ITGB3: variants seen among roughly 807,000 people sequenced by gnomAD.
ITGB3 encodes the protein integrin subunit beta 3.
Under a neutral mutation model 85.8 loss-of-function variants are expected in ITGB3, and 48 were observed. The observed-to-expected ratio is 0.56, with a 90% CI of 0.44 to 0.71. ITGB3 has a LOEUF of 0.71. Ranked by LOEUF, ITGB3 falls within the 30% of genes least tolerant of loss-of-function variation. The pLI is 0.00. For synonymous variants in ITGB3, 363 were observed against 395.6 expected (o/e 0.92, Z 0.98); for missense variants, 861 against 1,019.1 (o/e 0.84, Z 2.11).
chr17:47,299,437 G>A lies in ITGB3; in HGVS notation c.1820G>A (p.Cys607Tyr). 1.2e-6 allele frequency: 2 copies of A among 1,614,268 alleles called. No homozygotes were observed. Among genetic ancestry groups the A allele is most frequent in the African/African-American group, 1.3e-5 (1 of 75,068 alleles). ...NGLLCSGRGK[C>Y]ECGSCVCIQP... ...CTGCTGTGCAGCGGCCGCGGCAAGT[G>A]TGAATGTGGCAGCTGTGTCTGTATC... Residue 607 changes from cysteine to tyrosine, a missense_variant, in exon 11 of 15, where the codon TGT becomes TAT. Physicochemically the swap from Cys to Tyr is radical, Grantham distance 194. Coordinates refer to ENST00000559488, the MANE Select transcript of ITGB3 (RefSeq NM_000212.3). This position sits in a 1 kb window ranked among gnomAD's most constrained non-coding sequence, Gnocchi z 5.1.
At chr17:47,304,324 T>A (rs1369009783) in intron 13 of ITGB3, among the ~76,000 whole-genome samples, 1 of 152,218 alleles carries the variant, frequency 6.6e-6, no homozygotes, top group Admixed American at 6.5e-5. Flanking sequence ...ATGATTCTCT[T>A]TCTCTTCCCC....
intron 13 of ITGB3, 106 bp downstream of exon 13, chr17:47,302,946 C>G (rs1229198261): frequency 7.4e-7 from 1 of 1,342,774 alleles, no homozygotes; most frequent in Non-Finnish European, 1.0e-6. Context: ...ACAGGTTAAG[C>G]CTGCAAGTGA....
chr17:47,309,398 T>C (rs2065204105), intron 14 of ITGB3, among the ~76,000 whole-genome samples: 1 of 152,132 alleles, frequency 6.6e-6, no homozygotes, highest in Admixed American at 6.6e-5. Flanking sequence ...TTAATAATTA[T>C]TTGAGCAAAA....
At chr17:47,278,068 A>G (rs2065069960) in intron 2 of ITGB3, among the ~76,000 whole-genome samples, 1 of 152,194 alleles carries the variant, frequency 6.6e-6, no homozygotes. Flanking sequence ...ACCAACAACT[A>G]TAAACAAAAA....
chr17:47,300,614 G>A (rs1232090761), intron 12 of ITGB3, 36 bp downstream of exon 12: 1 of 1,480,278 alleles, frequency 6.8e-7, no homozygotes, highest in Non-Finnish European at 9.4e-7. Flanking sequence ...CACACACCCA[G>A]GTTCTAAATG....
chr17:47,277,774 A>G (rs2065069085), intron 2 of ITGB3, among the ~76,000 whole-genome samples: 1 of 152,226 alleles, frequency 6.6e-6, no homozygotes. Flanking sequence ...CCTGACAACC[A>G]AGGGTGACAG....
At position 47,300,488 on chromosome 17, in the gene ITGB3, G is replaced by T. The variant is rs121918451; in HGVS notation, c.1924G>T (p.Glu642Ter). The T allele has an allele frequency of 1.2e-6, 2 of 1,613,470 alleles. No homozygotes were observed. Among genetic ancestry groups the T allele is most frequent in the Non-Finnish European group, 1.7e-6 (2 of 1,179,422 alleles). The change falls in exon 12 of 15, where the codon GAG becomes TAG. Residue 642 changes from glutamate to a stop codon, truncating the protein, a stop_gained. Transcript: ENST00000559488. LOFTEE classifies it high-confidence loss of function. ...TCCTCTCTCCTTCAGAGAATGTGTG[G>T]AGTGTAAGAAGTTTGACCGGGGAGC... is the stretch of plus-strand genomic sequence containing the variant. ...DACTFKKECVECKKFDRGALH... is the reference protein window; with the variant it reads ...DACTFKKECV
At chr17:47,306,997 T>TA (rs1248765341) in intron 13 of ITGB3, among the ~76,000 whole-genome samples, 1 of 152,184 alleles carries the variant, frequency 6.6e-6, no homozygotes, top group Non-Finnish European at 1.5e-5. Flanking sequence ...TTTAATTTTT[T>TA]AAAAAACTTT....
At chr17:47,287,033 G>T in intron 5 of ITGB3, 37 bp from the exon 6 acceptor site, 1 of 1,606,136 alleles carries the variant, frequency 6.2e-7, no homozygotes, top group Non-Finnish European at 8.5e-7. Context: ...AATTTGTTTT[G>T]TCTCCTCTGC....
At chr17:47,274,321 C>A in intron 1 of ITGB3, 98 bp from the exon 2 acceptor site, 1 of 985,786 alleles carries the variant, frequency 1.0e-6, no homozygotes, top group Non-Finnish European at 1.6e-6. Flanking sequence ...CACCTGAGAG[C>A]TGTAAACCTG....
intron 13 of ITGB3, among the ~76,000 whole-genome samples, chr17:47,306,997 T>A (rs1567770746): frequency 6.6e-6 from 1 of 152,184 alleles, no homozygotes; most frequent in Non-Finnish European, 1.5e-5. Context: ...TTTAATTTTT[T>A]AAAAAACTTT....
At chr17:47,272,806 C>T (rs2065050437) in intron 1 of ITGB3, among the ~76,000 whole-genome samples, 1 of 149,676 alleles carries the variant, frequency 6.7e-6, no homozygotes, top group African/African-American at 2.5e-5. Flanking sequence ...TGGAGTCTCA[C>T]TGTGTCACCC....
At chr17:47,281,311 G>A (rs77171507) in intron 2 of ITGB3, among the ~76,000 whole-genome samples, 5,936 of 152,278 alleles carry the variant, frequency 0.039, 189 homozygotes, top group East Asian at 0.1. Context: ...AATAGGTCCC[G>A]GGAGGGGTTT....
chr17:47,292,405 G>T lies in ITGB3; in HGVS notation c.1527G>T (p.Gln509His). Residue 509 changes from glutamine to histidine, a missense_variant, in exon 10 of 15, where the codon CAG becomes CAT. Transcript: ENST00000559488. ...AGGAGGACTATCGCCCTTCCCAGCA[G>T]GACGAATGCAGCCCCCGGGAGGGTC... ...CSEEDYRPSQ[Q>H]DECSPREGQP... 1 of 1,613,084 alleles carries T rather than the reference G, an allele frequency of 6.2e-7. No homozygotes were observed. Among genetic ancestry groups the T allele is most frequent in the South Asian group, 1.1e-5 (1 of 91,070 alleles).
At chr17:47,280,186 C>A (rs1421779851) in intron 2 of ITGB3, 1 of 152,330 alleles carries the variant, frequency 6.6e-6, no homozygotes, top group Non-Finnish European at 1.5e-5. Flanking sequence ...AAGCTGCTGG[C>A]TTCCAGAAAC....
chr17:47,297,997 A>G (rs2065152041), intron 10 of ITGB3, among the ~76,000 whole-genome samples: 1 of 152,196 alleles, frequency 6.6e-6, no homozygotes, highest in African/African-American at 2.4e-5. Context: ...TCTTCTCTAA[A>G]TGCTTTCCAA....
chr17:47,264,611 A>T (rs938586266), intron 1 of ITGB3, among the ~76,000 whole-genome samples: 3 of 152,078 alleles, frequency 2.0e-5, no homozygotes, highest in Admixed American at 1.3e-4. Flanking sequence ...ACCATGGCCT[A>T]TAGCTTCCTA....
rs1476239567 is a variant in ITGB3 at position 47,299,224 on chromosome 17, G to A, written c.1691-84G>A. 6 of 1,272,012 alleles carry A rather than the reference G, an allele frequency of 4.7e-6. No individual in the cohort carries two copies. Among genetic ancestry groups the A allele is most frequent in the Non-Finnish European group, 6.8e-6 (6 of 883,378 alleles). 78.8% of individuals were successfully genotyped at this position (1,272,012 alleles called of 1,614,324 possible). ...AGGATCATTATCTGTGTGGTTGGGAGAGCAGGATGGTCGTGTGTAGCCTGC... is the reference window on the plus strand; with the variant it reads ...AGGATCATTATCTGTGTGGTTGGGAAAGCAGGATGGTCGTGTGTAGCCTGC... On this transcript the variant is annotated intron_variant, in intron 10 of 14. Coordinates refer to ENST00000559488, the MANE Select transcript of ITGB3 (RefSeq NM_000212.3). This position sits in a 1 kb window ranked among gnomAD's most constrained non-coding sequence, Gnocchi z 5.1.
At chr17:47,256,279 A>G (rs563138198) in intron 1 of ITGB3, among the ~76,000 whole-genome samples, 25 of 152,298 alleles carry the variant, frequency 1.6e-4, no homozygotes, top group African/African-American at 5.3e-4. Context: ...CAGCTTGGGC[A>G]ACATAGTGAG....
Sources: gnomAD v4.1 joint callset for allele counts (sites outside exome capture counted in the v4.1 genomes callset) on GRCh38, gnomAD v4.1.1 for gene constraint, Gnocchi (gnomAD v3.1) non-coding constraint, MANE v1.5 for transcripts, NCBI Gene and HGNC (gene_info 2026-07-23, HGNC 2026-07-21) for gene names.